CAMTA1: variants seen among roughly 807,000 people sequenced by gnomAD.
CAMTA1 encodes calmodulin binding transcription activator 1.
CAMTA1 carries 27 observed loss-of-function variants against 170.9 expected under a neutral mutation model. The observed-to-expected ratio is 0.16, with a 90% CI of 0.12 to 0.22. The LOEUF (loss-of-function observed/expected upper bound fraction) is 0.22, where lower values mean the gene tolerates loss of function less well. Among genes scored for constraint, CAMTA1 ranks in the 10% least tolerant of loss-of-function variants. CAMTA1 has a pLI of 1.00. For synonymous variants in CAMTA1, 833 were observed against 891.5 expected (o/e 0.93, Z 1.17); for missense variants, 1,619 against 2,217.2 (o/e 0.73, Z 5.42).
At position 6,891,872 on chromosome 1, in the gene CAMTA1, T is replaced by A. The variant is rs1200173495; in HGVS notation, c.234+66662T>A. On this transcript the variant is annotated intron_variant, in intron 3 of 22. Transcript: ENST00000303635. ...ACAGACAACATCTCATTTGGTTTCT[T>A]AGCAACCCTGAAAGACCAGCAAGGA... 3.9e-5 allele frequency among the ~76,000 whole-genome samples: 6 copies of A among 152,226 alleles called. No homozygotes were observed. The East Asian group carries it at 1.2e-3, about 29-fold the overall frequency.
At chr1:6,928,731 C>T (rs908719918) in intron 3 of CAMTA1, among the ~76,000 whole-genome samples, 2 of 152,232 alleles carry the variant, frequency 1.3e-5, no homozygotes, top group Admixed American at 1.3e-4. Flanking sequence ...CAGGCCCGTC[C>T]TTGGCTTGCC....
intron 5 of CAMTA1, among the ~76,000 whole-genome samples, chr1:7,258,764 A>G (rs1324861581): frequency 6.6e-5 from 10 of 152,166 alleles, no homozygotes; most frequent in Non-Finnish European, 1.5e-4. Flanking sequence ...TTGCTGGGGA[A>G]GTTTCCTCCC....
At chr1:6,993,811 T>G (rs950465943) in intron 3 of CAMTA1, among the ~76,000 whole-genome samples, 1 of 152,170 alleles carries the variant, frequency 6.6e-6, no homozygotes, top group African/African-American at 2.4e-5. Flanking sequence ...CAATCTCTGT[T>G]TTTAAACTGG....
At chr1:7,574,014 T>C (rs1240926954) in intron 6 of CAMTA1, among the ~76,000 whole-genome samples, 1 of 132,956 alleles carries the variant, frequency 7.5e-6, no homozygotes, top group Non-Finnish European at 1.5e-5. Context: ...CCTCAGGTGA[T>C]CCATCTGCCT....
At chr1:7,163,114 G>A (rs1450587632) in intron 4 of CAMTA1, among the ~76,000 whole-genome samples, 1 of 152,018 alleles carries the variant, frequency 6.6e-6, no homozygotes, top group Admixed American at 6.6e-5. Flanking sequence ...GGCTGAACAG[G>A]AATGATGGGG....
At chr1:6,790,451 CATA>C (rs1203209657) in intron 1 of CAMTA1, among the ~76,000 whole-genome samples, 3 of 151,102 alleles carry the variant, frequency 2.0e-5, no homozygotes, top group African/African-American at 7.3e-5. Context: ...ATTGTGTAGG[CATA>C]ACTTTTAGGT....
intron 5 of CAMTA1, among the ~76,000 whole-genome samples, chr1:7,372,787 G>T: frequency 1.3e-5 from 2 of 152,326 alleles, no homozygotes; most frequent in South Asian, 4.1e-4. Flanking sequence ...CGTGGCTTCC[G>T]GTTGCAGAGC....
intron 5 of CAMTA1, among the ~76,000 whole-genome samples, chr1:7,444,469 C>T (rs2092629678): frequency 1.3e-5 from 2 of 152,212 alleles, no homozygotes; most frequent in Non-Finnish European, 2.9e-5. Flanking sequence ...GTGCACTCTG[C>T]CCAGCCCAAG....
chr1:7,660,791 C>G (rs370973402), intron 7 of CAMTA1, among the ~76,000 whole-genome samples: 21 of 152,358 alleles, frequency 1.4e-4, no homozygotes, highest in African/African-American at 5.0e-4. Context: ...CCCGGCTCCT[C>G]CGCGCCTGGA....
chr1:7,131,522 CTT>C (rs58819912), intron 4 of CAMTA1, among the ~76,000 whole-genome samples: 15 of 126,670 alleles, frequency 1.2e-4, no homozygotes, highest in African/African-American at 2.9e-4. Flanking sequence ...ATCGTCTTTT[CTT>C]TTTTTTTTTT....
chr1:7,152,063 G>T (rs1646609446), intron 4 of CAMTA1, among the ~76,000 whole-genome samples: 1 of 152,132 alleles, frequency 6.6e-6, no homozygotes, highest in African/African-American at 2.4e-5. Flanking sequence ...CCCGGTTGAG[G>T]ATCACAGCAA....
intron 3 of CAMTA1, among the ~76,000 whole-genome samples, chr1:6,999,852 A>T (rs1373311435): frequency 6.6e-6 from 1 of 152,116 alleles, no homozygotes; most frequent in Non-Finnish European, 1.5e-5. Flanking sequence ...TACGTTGGTG[A>T]TAAAATCTGG....
At chr1:7,695,142 G>A (rs2096361799) in intron 11 of CAMTA1, among the ~76,000 whole-genome samples, 1 of 152,160 alleles carries the variant, frequency 6.6e-6, no homozygotes, top group African/African-American at 2.4e-5. Context: ...CTGCACAGAG[G>A]TGCTTTGGAG....
intron 3 of CAMTA1, among the ~76,000 whole-genome samples, chr1:7,051,319 C>T (rs12407755): frequency 0.013 from 1,950 of 152,284 alleles, 130 homozygotes; most frequent in Admixed American, 0.11. Flanking sequence ...CAGGCTTCTC[C>T]GGTGACACAG....
intron 5 of CAMTA1, among the ~76,000 whole-genome samples, chr1:7,415,209 G>A (rs2091075648): frequency 6.6e-6 from 1 of 151,904 alleles, no homozygotes; most frequent in Admixed American, 6.6e-5. Flanking sequence ...TAGGTGTGGT[G>A]TGGTGCTGAA....
At position 6,961,403 on chromosome 1, in the gene CAMTA1, C is replaced by A. The variant is rs148543138; in HGVS notation, c.235-129901C>A. Among the ~76,000 whole-genome samples the A allele has an allele frequency of 3.0e-4, 46 of 152,288 alleles. No homozygotes were observed. In the Middle Eastern group the frequency reaches 0.014, roughly 45 times the overall value. ...TCCCTCCCAGTTCAGGCGCCACCATCGTGACCGTGTAGGGAATTGGGGTGC... is the reference window on the plus strand; with the variant it reads ...TCCCTCCCAGTTCAGGCGCCACCATAGTGACCGTGTAGGGAATTGGGGTGC... On this transcript the variant is annotated intron_variant, in intron 3 of 22. Transcript: ENST00000303635.
intron 6 of CAMTA1, among the ~76,000 whole-genome samples, chr1:7,519,430 G>T (rs916456965): frequency 2.0e-5 from 3 of 152,018 alleles, no homozygotes; most frequent in African/African-American, 7.3e-5. Flanking sequence ...GGAGCCTGGT[G>T]TGGAGGGGGA....
intron 5 of CAMTA1, among the ~76,000 whole-genome samples, chr1:7,284,453 T>C (rs1420593741): frequency 1.3e-5 from 2 of 152,050 alleles, no homozygotes; most frequent in Non-Finnish European, 2.9e-5. Context: ...CTGCCCGCCT[T>C]GGCCTCCCAA....
At position 7,677,807 on chromosome 1, in the gene CAMTA1, G is replaced by A. The variant is rs541094162; in HGVS notation, c.2914+74G>A. The A allele has an allele frequency of 9.2e-5, 140 of 1,525,138 alleles. 1 individual carries two copies. In the South Asian group the frequency reaches 1.6e-3, roughly 18 times the overall value. 94.5% of individuals were successfully genotyped at this position (1,525,138 alleles called of 1,614,324 possible). On this transcript the variant is annotated intron_variant, in intron 11 of 22. Transcript: ENST00000303635. ...GCTTGGGGACTCTTGCACAAGGTGTGAAAGAAGAGTAAGCACCCAGAAAGG... is the reference window on the plus strand; with the variant it reads ...GCTTGGGGACTCTTGCACAAGGTGTAAAAGAAGAGTAAGCACCCAGAAAGG...
Sources: allele counts gnomAD v4.1 joint callset (sites outside exome capture counted in the v4.1 genomes callset), GRCh38; gene constraint gnomAD v4.1.1; transcripts MANE v1.5; gene names NCBI Gene and HGNC (gene_info 2026-07-23, HGNC 2026-07-21).